The following TAF1A variants were observed in gnomAD, a reference collection of about 807,000 sequenced individuals.
TAF1A encodes TATA box-binding protein-associated factor RNA polymerase I subunit A.
A neutral mutation model predicts 61.6 loss-of-function variants in TAF1A; 42 were observed. The ratio of observed to expected loss-of-function variants is 0.68; its 90% CI spans 0.53 to 0.88. TAF1A has a LOEUF of 0.88. Among genes scored for constraint, TAF1A ranks in the 40% least tolerant of loss-of-function variants. TAF1A has a pLI of 0.00. For missense variants in TAF1A, 424 were observed against 518.7 expected, an observed-to-expected ratio of 0.82 and a Z score of 1.77; for synonymous variants, 179 against 177.7, an observed-to-expected ratio of 1.01 and a Z score of -0.06.
chr1:222,571,886 C>T (rs1041473385), intron 5 of TAF1A, among the ~76,000 whole-genome samples: 1 of 152,034 alleles, frequency 6.6e-6, no homozygotes, highest in African/African-American at 2.4e-5. Flanking sequence ...CAAAGAAGAA[C>T]AAAGAATCTT....
At chr1:222,582,475 G>A (rs987363296) in intron 3 of TAF1A, among the ~76,000 whole-genome samples, 1 of 152,204 alleles carries the variant, frequency 6.6e-6, no homozygotes, top group Admixed American at 6.5e-5. Flanking sequence ...AGAGAAATTA[G>A]AAGCCTCAGA....
downstream of TAF1A, among the ~76,000 whole-genome samples, chr1:222,555,207 A>C (rs895724712): frequency 2.0e-5 from 3 of 152,200 alleles, no homozygotes; most frequent in African/African-American, 7.2e-5. Flanking sequence ...AATTATGGAA[A>C]ACAATATGGA....
At chr1:222,589,653 A>T (rs1297598882) in intron 1 of TAF1A, 74 bp downstream of exon 1, 1 of 163,348 alleles carries the variant, frequency 6.1e-6, no homozygotes, top group Admixed American at 6.4e-5. Flanking sequence ...TCAGGAGAAC[A>T]TGGATGAATC....
chr1:222,570,716 T>A, intron 5 of TAF1A, 51 bp from the exon 6 acceptor site: 1 of 1,480,198 alleles, frequency 6.8e-7, no homozygotes, highest in Non-Finnish European at 9.1e-7. Context: ...TGAGGACCTC[T>A]GTTAAATTAG....
At chr1:222,572,158 G>A (rs1660381382) in intron 5 of TAF1A, among the ~76,000 whole-genome samples, 1 of 149,912 alleles carries the variant, frequency 6.7e-6, no homozygotes. Context: ...GACACAGATT[G>A]CAGTGAGCTG....
At chr1:222,585,058 G>A (rs563938387) in intron 2 of TAF1A, among the ~76,000 whole-genome samples, 9 of 152,144 alleles carry the variant, frequency 5.9e-5, no homozygotes, top group Admixed American at 3.3e-4. Flanking sequence ...AGACAGCTGT[G>A]CCTACATAGT....
intron 5 of TAF1A, among the ~76,000 whole-genome samples, chr1:222,576,182 G>A (rs538601530): frequency 6.6e-6 from 1 of 152,200 alleles, no homozygotes. Flanking sequence ...GTGTAAGAAT[G>A]AGGGTTTGGG....
chr1:222,583,036 C>T (rs1156331407), intron 3 of TAF1A, among the ~76,000 whole-genome samples: 1 of 151,920 alleles, frequency 6.6e-6, no homozygotes, highest in Non-Finnish European at 1.5e-5. Context: ...ATACAAAAAA[C>T]TAGATAGGTG....
At chr1:222,564,993 T>C (rs539532669) in intron 7 of TAF1A, among the ~76,000 whole-genome samples, 2 of 152,328 alleles carry the variant, frequency 1.3e-5, no homozygotes, top group African/African-American at 2.4e-5. Flanking sequence ...GATTTTTCTA[T>C]TGAAATATAA....
intron 7 of TAF1A, chr1:222,569,151 T>C (rs1043625762): frequency 2.5e-5 from 18 of 721,076 alleles, no homozygotes; most frequent in Non-Finnish European, 2.9e-5. Context: ...ATATCATGAT[T>C]ACCATGGTGG....
At chr1:222,575,456 C>T (rs577070306) in intron 5 of TAF1A, among the ~76,000 whole-genome samples, 7 of 152,106 alleles carry the variant, frequency 4.6e-5, no homozygotes, top group Non-Finnish European at 8.8e-5. Context: ...TGCAATGAGC[C>T]GTGATCACAC....
chr1:222,589,344 T>C (rs970543499), intron 1 of TAF1A, among the ~76,000 whole-genome samples: 3 of 152,222 alleles, frequency 2.0e-5, no homozygotes, highest in Non-Finnish European at 4.4e-5. Flanking sequence ...CTTCAAACAG[T>C]GCCTAGATTA....
chr1:222,584,393 A>G lies in TAF1A; in HGVS notation c.122-96T>C, dbSNP rs1012557113. ...TGATAAGAAGTTTTAACAAGTAAAC[A>G]GTAGGCATTACTTGACCCAGCCCAT... On this transcript the variant is annotated intron_variant, in intron 2 of 10. Transcript: ENST00000352967. The G allele has an allele frequency of 3.4e-5, 41 of 1,192,980 alleles. No homozygotes were observed. The Admixed American group carries it at 7.7e-4, about 22-fold the overall frequency. 73.9% of individuals were successfully genotyped at this position (1,192,980 alleles called of 1,614,324 possible).
At chr1:222,566,845 G>A (rs919305146) in intron 7 of TAF1A, among the ~76,000 whole-genome samples, 3 of 152,196 alleles carry the variant, frequency 2.0e-5, no homozygotes, top group Admixed American at 6.5e-5. Context: ...ATGTGGAATT[G>A]TTGGTAGGAA....
intron 9 of TAF1A, among the ~76,000 whole-genome samples, chr1:222,562,635 A>G (rs1379731471): frequency 6.6e-6 from 1 of 152,198 alleles, no homozygotes; most frequent in Non-Finnish European, 1.5e-5. Context: ...TAAAAATAAC[A>G]GGAAATTCAT....
At chr1:222,562,430 T>G (rs887131814) in intron 9 of TAF1A, among the ~76,000 whole-genome samples, 2 of 152,172 alleles carry the variant, frequency 1.3e-5, no homozygotes, top group Non-Finnish European at 2.9e-5. Flanking sequence ...GGGCTTCAGA[T>G]TTAGAAAATG....
At chr1:222,580,620 T>A (rs1263316327) in intron 3 of TAF1A, among the ~76,000 whole-genome samples, 1 of 152,150 alleles carries the variant, frequency 6.6e-6, no homozygotes, top group Non-Finnish European at 1.5e-5. Flanking sequence ...CATATTATCA[T>A]TTGATATAAG....
chr1:222,566,230 C>A (rs1571800876), intron 7 of TAF1A, among the ~76,000 whole-genome samples: 1 of 152,230 alleles, frequency 6.6e-6, no homozygotes, highest in East Asian at 1.9e-4. Flanking sequence ...AGATACACAT[C>A]ACTAGACATT....
In TAF1A at chr1:222,579,230, C is replaced by T. The variant is rs567433244; in HGVS notation, c.405+529G>A. Among the ~76,000 whole-genome samples, 7 of 152,250 alleles carry T rather than the reference C, an allele frequency of 4.6e-5. No individual in the cohort carries two copies. In the South Asian group the frequency reaches 1.5e-3, roughly 32 times the overall value. On this transcript the variant is annotated intron_variant, in intron 4 of 10. Transcript: ENST00000352967. Reference sequence around the variant, plus strand: ...ACATTTTTTTAAAGCAAAGCATTTACAAACCTGTATTGAAAAAGTGCTCTT... The same window carrying T: ...ACATTTTTTTAAAGCAAAGCATTTATAAACCTGTATTGAAAAAGTGCTCTT...
Sources: gnomAD v4.1 joint callset for allele counts (sites outside exome capture counted in the v4.1 genomes callset) on GRCh38, gnomAD v4.1.1 for gene constraint, MANE v1.5 for transcripts, NCBI Gene and HGNC (gene_info 2026-07-23, HGNC 2026-07-21) for gene names.